The following ANKS1B variants were observed in gnomAD, a reference collection of about 807,000 sequenced individuals.
ANKS1B encodes the protein ankyrin repeat and sterile alpha motif domain-containing protein 1B.
ANKS1B carries 36 observed loss-of-function variants against 148.3 expected under a neutral mutation model. The ratio of observed to expected loss-of-function variants is 0.24; its 90% CI spans 0.19 to 0.32. The LOEUF (loss-of-function observed/expected upper bound fraction) is 0.32. ANKS1B is among the 10% of genes least tolerant of loss of function. The pLI, the probability that ANKS1B is intolerant of heterozygous loss-of-function variation, is 1.00. For synonymous variants in ANKS1B, 542 were observed against 560.8 expected (o/e 0.97, Z 0.47); for missense variants, 1,157 against 1,542.6 (o/e 0.75, Z 4.19).
chr12:99,476,372 C>T (rs534661688), intron 10 of ANKS1B, among the ~76,000 whole-genome samples: 1 of 152,004 alleles, frequency 6.6e-6, no homozygotes, highest in African/African-American at 2.4e-5. Context: ...GCCTGGACAA[C>T]AGAGAGAGAC....
At chr12:99,222,165 T>C (rs1438662530) in intron 14 of ANKS1B, among the ~76,000 whole-genome samples, 1 of 152,206 alleles carries the variant, frequency 6.6e-6, no homozygotes, top group Non-Finnish European at 1.5e-5. Flanking sequence ...AATATATTTT[T>C]ATATTTGCTT....
chr12:99,648,551 T>C, intron 9 of ANKS1B: 1 of 1,614,120 alleles, frequency 6.2e-7, no homozygotes, highest in Non-Finnish European at 8.5e-7. Context: ...TTGATGTTTG[T>C]GAAAATAACC....
At position 98,745,004 on chromosome 12, in the gene ANKS1B, T is replaced by C; in HGVS notation, c.*735A>G. 7.1e-6 allele frequency: 7 copies of C among 985,726 alleles called. No individual in the cohort carries two copies. Among genetic ancestry groups the C allele is most frequent in the Non-Finnish European group, 8.4e-6 (7 of 829,832 alleles). The allele number at this position is 985,726 out of a possible 1,614,324, so 61.1% of individuals were successfully genotyped here. The stretch of plus-strand genomic sequence containing the variant: ...AAACATCCCTCGCAACTAACCTAGT[T>C]TTCTTATCAATGCATTAATGAAACA... On this transcript the variant is annotated 3_prime_UTR_variant, in exon 27 of 27. Coordinates refer to ENST00000683438, the MANE Select transcript of ANKS1B (RefSeq NM_001352186.2).
intron 17 of ANKS1B, among the ~76,000 whole-genome samples, chr12:98,919,851 C>T (rs1184082665): frequency 6.6e-6 from 1 of 152,134 alleles, no homozygotes; most frequent in Non-Finnish European, 1.5e-5. Flanking sequence ...AATGCAACAG[C>T]CAGTTCCAGA....
At chr12:98,781,833 T>C (rs2098739986) in intron 23 of ANKS1B, among the ~76,000 whole-genome samples, 1 of 152,212 alleles carries the variant, frequency 6.6e-6, no homozygotes, top group Non-Finnish European at 1.5e-5. Flanking sequence ...CCAGGAGCAG[T>C]CTGGGTTTTG....
At chr12:99,061,273 T>C (rs1305123569) in intron 16 of ANKS1B, among the ~76,000 whole-genome samples, 1 of 152,214 alleles carries the variant, frequency 6.6e-6, no homozygotes, top group Non-Finnish European at 1.5e-5. Flanking sequence ...GAATTCCTCT[T>C]TTTTCTTCAT....
intron 14 of ANKS1B, among the ~76,000 whole-genome samples, chr12:99,198,435 G>T (rs575026376): frequency 6.6e-6 from 1 of 152,268 alleles, no homozygotes; most frequent in East Asian, 1.9e-4. Flanking sequence ...TAGCACTAGG[G>T]ATTTAACTTC....
chr12:98,760,832 T>C (rs1347520999), intron 25 of ANKS1B, among the ~76,000 whole-genome samples: 4 of 152,226 alleles, frequency 2.6e-5, no homozygotes, highest in Non-Finnish European at 4.4e-5. Context: ...TATTAACTTA[T>C]AGACATGCAG....
intron 10 of ANKS1B, among the ~76,000 whole-genome samples, chr12:99,449,943 CTATCT>C: frequency 8.7e-6 from 1 of 115,244 alleles, no homozygotes; most frequent in Non-Finnish European, 1.8e-5. Flanking sequence ...ATCTATCTAT[CTATCT>C]AGACAAAGAT....
intron 15 of ANKS1B, among the ~76,000 whole-genome samples, chr12:99,093,094 T>C (rs944740734): frequency 6.6e-6 from 1 of 152,206 alleles, no homozygotes; most frequent in Non-Finnish European, 1.5e-5. Flanking sequence ...TCCATAGATA[T>C]GTAACGTTAC....
Position 99,154,370 on chromosome 12 carries a change from C to T in ANKS1B, c.2445G>A (p.Val815=). ...TTRPRCPVQT[V]GQWLESIGLP... ...GCCCAATGCTTTCCAACCATTGTCC[C>T]ACTGTTTGGACAGGGCATCTGGGTC... Residue 815 remains valine, a synonymous_variant, in exon 15 of 27, where the codon GTG becomes GTA. Coordinates refer to ENST00000683438, the MANE Select transcript of ANKS1B (RefSeq NM_001352186.2). 6.2e-7 allele frequency: 1 copy of T among 1,613,746 alleles called. No individual in the cohort carries two copies. The highest frequency in any genetic ancestry group is 8.5e-7 in the Non-Finnish European group (1 of 1,179,738).
chr12:98,986,827 C>T (rs2099923713), intron 17 of ANKS1B, among the ~76,000 whole-genome samples: 1 of 151,996 alleles, frequency 6.6e-6, no homozygotes, highest in Admixed American at 6.6e-5. Context: ...TTATGTTGCA[C>T]AGACTGTTCT....
At chr12:99,477,043 A>G (rs2096335804) in intron 10 of ANKS1B, among the ~76,000 whole-genome samples, 1 of 152,170 alleles carries the variant, frequency 6.6e-6, no homozygotes, top group Non-Finnish European at 1.5e-5. Flanking sequence ...GTGCTCCATC[A>G]AAATGAGTGA....
At chr12:99,342,631 C>G (rs1013804506) in intron 12 of ANKS1B, among the ~76,000 whole-genome samples, 4 of 151,888 alleles carry the variant, frequency 2.6e-5, no homozygotes, top group African/African-American at 9.7e-5. Flanking sequence ...AAGGCGAGGC[C>G]AGAGTGGTAA....
At chr12:98,956,003 G>A (rs1321244678) in intron 17 of ANKS1B, among the ~76,000 whole-genome samples, 2 of 152,088 alleles carry the variant, frequency 1.3e-5, no homozygotes, top group Non-Finnish European at 2.9e-5. Context: ...TCTGACCAAG[G>A]CCCAGGTCTG....
At chr12:99,371,278 T>C (rs1258999494) in intron 12 of ANKS1B, among the ~76,000 whole-genome samples, 2 of 152,112 alleles carry the variant, frequency 1.3e-5, no homozygotes, top group Non-Finnish European at 2.9e-5. Context: ...TATTATATTT[T>C]ACTGTATGTT....
intron 4 of ANKS1B, among the ~76,000 whole-genome samples, chr12:99,797,363 A>T (rs1432309861): frequency 1.3e-5 from 2 of 151,942 alleles, no homozygotes; most frequent in Non-Finnish European, 2.9e-5. Context: ...TACAACCCAT[A>T]ACCGGCCAGA....
chr12:99,410,705 G>A (rs984053521), intron 11 of ANKS1B, among the ~76,000 whole-genome samples: 1 of 152,034 alleles, frequency 6.6e-6, no homozygotes, highest in Admixed American at 6.5e-5. Flanking sequence ...AAGTTAACAG[G>A]AAATTTCTCT....
chr12:98,788,186 C>G (rs962700658), intron 22 of ANKS1B, among the ~76,000 whole-genome samples: 3 of 151,500 alleles, frequency 2.0e-5, no homozygotes, highest in African/African-American at 4.9e-5. Context: ...GGGTGGATCA[C>G]CTGAGGTCAG....
Sources: allele counts gnomAD v4.1 joint callset (sites outside exome capture counted in the v4.1 genomes callset), GRCh38; gene constraint gnomAD v4.1.1; transcripts MANE v1.5; gene names NCBI Gene and HGNC (gene_info 2026-07-23, HGNC 2026-07-21).